Variants in CYRIB observed in about 807,000 individuals in gnomAD.
The protein encoded by CYRIB is CYFIP related Rac1 interactor B.
Under a neutral mutation model 44.2 loss-of-function variants are expected in CYRIB, and 8 were observed. The observed-to-expected ratio is 0.18, with a 90% CI of 0.11 to 0.33. CYRIB has a LOEUF of 0.33. CYRIB is among the 10% of genes least tolerant of loss of function. The pLI, the probability that CYRIB is intolerant of heterozygous loss-of-function variation, is 1.00. For synonymous variants in CYRIB, 131 were observed against 127.2 expected, an observed-to-expected ratio of 1.03 and a Z score of -0.20; for missense variants, 185 against 382.8, an observed-to-expected ratio of 0.48 and a Z score of 4.31.
At chr8:129,932,221 AG>A (rs2091718420) in intron 1 of CYRIB, among the ~76,000 whole-genome samples, 2 of 152,036 alleles carry the variant, frequency 1.3e-5, no homozygotes, top group Non-Finnish European at 2.9e-5. Flanking sequence ...GCTGCTTCAT[AG>A]GTATCTCTTT....
At chr8:129,956,826 T>TC (rs2094870915) in intron 2 of CYRIB, among the ~76,000 whole-genome samples, 1 of 50,892 alleles carries the variant, frequency 2.0e-5, no homozygotes, top group African/African-American at 9.0e-5. Context: ...CCTCCCTCCC[T>TC]CCCTCCCCCC....
chr8:129,857,385 G>A (rs2131943402), intron 5 of CYRIB, among the ~76,000 whole-genome samples: 1 of 152,308 alleles, frequency 6.6e-6, no homozygotes. Flanking sequence ...ACATGAGTTT[G>A]CAGACAGAAA....
Position 129,858,567 on chromosome 8 carries a change from T to C in CYRIB, c.302-2820A>G, listed in dbSNP as rs181060633. ...TTCTCATCAACTGCCATCTATCTACTCTCAAACTCTCAGAAGAGAACCTGA... is the reference window on the plus strand; with the variant it reads ...TTCTCATCAACTGCCATCTATCTACCCTCAAACTCTCAGAAGAGAACCTGA... On this transcript the variant is annotated intron_variant, in intron 5 of 11. Coordinates refer to ENST00000519824, the Ensembl canonical transcript of CYRIB. Among the ~76,000 whole-genome samples the C allele has an allele frequency of 3.2e-3, 492 of 151,986 alleles. 3 individuals carry two copies. The highest frequency in any genetic ancestry group is 0.011 in the African/African-American group (471 of 41,478).
chr8:129,987,787 G>T (rs965266938), intron 1 of CYRIB, among the ~76,000 whole-genome samples: 7 of 152,106 alleles, frequency 4.6e-5, no homozygotes, highest in African/African-American at 1.4e-4. Flanking sequence ...GGCCAGGCTG[G>T]TCTCAAACTC....
chr8:129,875,866 C>A (rs933776094), intron 3 of CYRIB, among the ~76,000 whole-genome samples: 10 of 152,156 alleles, frequency 6.6e-5, no homozygotes, highest in African/African-American at 9.7e-5. Context: ...GTAATCCCAG[C>A]ACTTTGGGAG....
At chr8:130,012,466 A>T (rs2097248640) in intron 1 of CYRIB, among the ~76,000 whole-genome samples, 1 of 152,182 alleles carries the variant, frequency 6.6e-6, no homozygotes, top group Non-Finnish European at 1.5e-5. Flanking sequence ...GGGACAGATG[A>T]TGGGACCAGG....
In CYRIB at chr8:129,938,935, A is replaced by G. The variant is rs371792264; in HGVS notation, c.-50+673T>C. Among the ~76,000 whole-genome samples, 6 of 152,314 alleles carry G rather than the reference A, an allele frequency of 3.9e-5. No homozygotes were observed. In the East Asian group the frequency reaches 1.2e-3, roughly 29 times the overall value. ...AGTTATAGATTTGGGTAATTATAGT[A>G]GAAATTGCGCGTTTGGAAACACACT... is the stretch of plus-strand genomic sequence containing the variant. On this transcript the variant is annotated intron_variant, in intron 1 of 11. Coordinates refer to ENST00000519824, the Ensembl canonical transcript of CYRIB.
At chr8:129,925,701 G>T (rs1312028511) in intron 1 of CYRIB, among the ~76,000 whole-genome samples, 1 of 152,186 alleles carries the variant, frequency 6.6e-6, no homozygotes, top group African/African-American at 2.4e-5. Context: ...TGCCAAAGCA[G>T]ATAGTCTCTC....
chr8:129,973,739 T>C (rs973080386), intron 1 of CYRIB, among the ~76,000 whole-genome samples: 1 of 152,152 alleles, frequency 6.6e-6, no homozygotes, highest in Non-Finnish European at 1.5e-5. Flanking sequence ...GAAAGGAGGA[T>C]CACTTGAGCC....
Position 129,874,088 on chromosome 8 carries a change from C to T in CYRIB, c.74-2592G>A, listed in dbSNP as rs796956922. Among the ~76,000 whole-genome samples, 8 of 151,316 alleles carry T rather than the reference C, an allele frequency of 5.3e-5. No individual in the cohort carries two copies. In the South Asian group the frequency reaches 1.5e-3, roughly 28 times the overall value. On this transcript the variant is annotated intron_variant, in intron 3 of 11. Coordinates refer to ENST00000519824, the Ensembl canonical transcript of CYRIB. ...TTTTTATTTTATTTTTTTCAAAAAA[C>T]GGTACTATATAATGCAACCAAGACT...
intron 1 of CYRIB, among the ~76,000 whole-genome samples, chr8:129,927,929 G>A (rs2088879475): frequency 6.6e-6 from 1 of 152,090 alleles, no homozygotes; most frequent in Non-Finnish European, 1.5e-5. Context: ...ATGGTTCGGA[G>A]ACTACCGGAA....
intron 1 of CYRIB, among the ~76,000 whole-genome samples, chr8:129,987,998 T>C (rs560348382): frequency 2.6e-5 from 4 of 152,368 alleles, no homozygotes; most frequent in South Asian, 2.1e-4. Context: ...AAAGTTTTTG[T>C]ATCGGTTGGA....
At chr8:129,956,156 A>G (rs1335042256) in intron 2 of CYRIB, among the ~76,000 whole-genome samples, 1 of 152,234 alleles carries the variant, frequency 6.6e-6, no homozygotes, top group Non-Finnish European at 1.5e-5. Flanking sequence ...AGTGAGAATC[A>G]GAAGTGATTA....
intron 1 of CYRIB, among the ~76,000 whole-genome samples, chr8:129,939,433 G>A (rs2093411356): frequency 6.6e-6 from 1 of 151,582 alleles, no homozygotes; most frequent in South Asian, 2.1e-4. Context: ...GGCCACAGAG[G>A]AAGCGGGCCC....
rs558605573 is a variant in CYRIB at position 129,906,361 on chromosome 8, C to G, written c.-49-3011G>C. 4.5e-4 allele frequency among the ~76,000 whole-genome samples: 69 copies of G among 152,338 alleles called. No individual in the cohort carries two copies. The South Asian group carries it at 1.0e-2, about 22-fold the overall frequency. ...AAACAAGAAATGGGGAAAGGATTCC[C>G]TATTCAACAAATGGTGCTGGGAAAA... is the stretch of plus-strand genomic sequence containing the variant. On this transcript the variant is annotated intron_variant, in intron 1 of 11. Coordinates refer to ENST00000519824, the Ensembl canonical transcript of CYRIB.
intron 1 of CYRIB, among the ~76,000 whole-genome samples, chr8:129,986,657 G>A (rs2096464779): frequency 6.6e-6 from 1 of 152,152 alleles, no homozygotes; most frequent in Non-Finnish European, 1.5e-5. Context: ...CACAGCCTCG[G>A]GAATTTGCAC....
At chr8:129,904,781 C>T (rs1266352319) in intron 1 of CYRIB, among the ~76,000 whole-genome samples, 196 bp from the exon 3 acceptor site, 3 of 152,208 alleles carry the variant, frequency 2.0e-5, no homozygotes, top group Non-Finnish European at 4.4e-5. Context: ...CTATCTCCTA[C>T]TAACTCAAGG....
chr8:129,922,969 C>T (rs190159320), intron 1 of CYRIB, among the ~76,000 whole-genome samples: 1 of 151,740 alleles, frequency 6.6e-6, no homozygotes, highest in African/African-American at 2.4e-5. Context: ...GTGGCTCACT[C>T]CTGTAATCCC....
chr8:129,855,587 A>C (rs1361430258), intron 6 of CYRIB, 24 bp downstream of exon 8: 7 of 1,613,354 alleles, frequency 4.3e-6, no homozygotes, highest in South Asian at 1.1e-5. Flanking sequence ...TTTCGTAACA[A>C]TCAGGGCCAA....
Sources: allele counts gnomAD v4.1 joint callset (sites outside exome capture counted in the v4.1 genomes callset), GRCh38; gene constraint gnomAD v4.1.1; transcripts MANE v1.5; gene names NCBI Gene and HGNC (gene_info 2026-07-23, HGNC 2026-07-21).